Variants in DCLK1 observed in about 807,000 individuals in gnomAD.
DCLK1 encodes doublecortin like kinase 1, also known as serine/threonine-protein kinase DCLK1.
A neutral mutation model predicts 86.2 loss-of-function variants in DCLK1; 16 were observed. That is an observed-to-expected ratio of 0.19 (90% CI 0.13 to 0.28). The LOEUF is 0.28. DCLK1 is among the 10% of genes least tolerant of loss of function. The pLI is 1.00. For synonymous variants in DCLK1, 369 were observed against 370.5 expected, an observed-to-expected ratio of 1.00 and a Z score of 0.05; for missense variants, 590 against 940.2, an observed-to-expected ratio of 0.63 and a Z score of 4.87.
At chr13:35,913,797 A>C (rs1033033526) in intron 4 of DCLK1, among the ~76,000 whole-genome samples, 10 of 152,208 alleles carry the variant, frequency 6.6e-5, no homozygotes, top group African/African-American at 2.4e-4. Flanking sequence ...GCTTCTAGAC[A>C]AAACAGAAGT....
intron 1 of DCLK1, among the ~76,000 whole-genome samples, chr13:36,129,501 C>G (rs1886295231): frequency 6.6e-6 from 1 of 152,174 alleles, no homozygotes; most frequent in Non-Finnish European, 1.5e-5. Flanking sequence ...GCTACAGCTA[C>G]CTCTAAATGG....
intron 3 of DCLK1, among the ~76,000 whole-genome samples, chr13:36,043,562 T>C (rs1432929455): frequency 6.6e-6 from 1 of 152,108 alleles, no homozygotes; most frequent in Non-Finnish European, 1.5e-5. Flanking sequence ...AGTACACTAA[T>C]GATAAAAGAT....
intron 3 of DCLK1, among the ~76,000 whole-genome samples, chr13:35,951,570 T>C (rs1217047427): frequency 1.3e-5 from 2 of 151,616 alleles, no homozygotes; most frequent in Non-Finnish European, 2.9e-5. Context: ...CCTCTACCCA[T>C]TGATCAATAC....
intron 3 of DCLK1, among the ~76,000 whole-genome samples, chr13:35,984,591 A>G (rs1173743064): frequency 6.6e-6 from 1 of 152,154 alleles, no homozygotes; most frequent in Admixed American, 6.5e-5. Flanking sequence ...GCTAAAGTCT[A>G]TTTCTCTACT....
intron 4 of DCLK1, among the ~76,000 whole-genome samples, chr13:35,875,731 C>T (rs1872551572): frequency 6.6e-6 from 1 of 152,198 alleles, no homozygotes; most frequent in South Asian, 2.1e-4. Flanking sequence ...CTCCCATACT[C>T]CATTGGATAC....
intron 3 of DCLK1, among the ~76,000 whole-genome samples, chr13:36,096,658 T>C (rs1172675576): frequency 6.6e-6 from 1 of 152,144 alleles, no homozygotes; most frequent in East Asian, 1.9e-4. Flanking sequence ...ACAAAGCACA[T>C]GGAAGCCATA....
chr13:36,035,642 G>T (rs113174888), intron 3 of DCLK1, among the ~76,000 whole-genome samples: 34 of 152,266 alleles, frequency 2.2e-4, no homozygotes, highest in African/African-American at 7.9e-4. Context: ...GGGCTCAAGT[G>T]ATCCACCTCC....
intron 3 of DCLK1, among the ~76,000 whole-genome samples, chr13:36,089,461 T>C (rs540353055): frequency 6.6e-6 from 1 of 152,306 alleles, no homozygotes; most frequent in Admixed American, 6.5e-5. Flanking sequence ...TTCTTTCCTG[T>C]GCAGCACTCA....
At chr13:35,936,899 G>C (rs1321574719) in intron 4 of DCLK1, among the ~76,000 whole-genome samples, 1 of 149,984 alleles carries the variant, frequency 6.7e-6, no homozygotes, top group East Asian at 2.0e-4. Flanking sequence ...TAATAAAGAA[G>C]AGCAGAATGT....
intron 4 of DCLK1, among the ~76,000 whole-genome samples, chr13:35,908,738 C>T (rs561273487): frequency 1.2e-4 from 19 of 152,208 alleles, no homozygotes; most frequent in African/African-American, 4.1e-4. Context: ...TGGGTTCAAG[C>T]GATTCTCCTG....
At chr13:35,948,799 A>T (rs1303461891) in intron 3 of DCLK1, among the ~76,000 whole-genome samples, 1 of 152,126 alleles carries the variant, frequency 6.6e-6, no homozygotes, top group Admixed American at 6.5e-5. Context: ...AACACAGGGG[A>T]TTTAAGAGGG....
At chr13:35,975,122 T>TCTTA (rs1879270256) in intron 3 of DCLK1, among the ~76,000 whole-genome samples, 1 of 152,056 alleles carries the variant, frequency 6.6e-6, no homozygotes, top group Non-Finnish European at 1.5e-5. Flanking sequence ...CTAGGTCAGG[T>TCTTA]CTTACACCAA....
intron 8 of DCLK1, among the ~76,000 whole-genome samples, chr13:35,831,337 T>C (rs1868942928): frequency 6.6e-6 from 1 of 152,172 alleles, no homozygotes; most frequent in African/African-American, 2.4e-5. Flanking sequence ...CACAGGTTTA[T>C]AGGAAAGTAG....
intron 15 of DCLK1, among the ~76,000 whole-genome samples, chr13:35,805,025 T>C (rs1700914726): frequency 6.6e-6 from 1 of 152,178 alleles, no homozygotes; most frequent in African/African-American, 2.4e-5. Flanking sequence ...GTCGAAACCC[T>C]TAGGTCACTT....
chr13:35,909,079 C>G (rs1307978919), intron 4 of DCLK1, among the ~76,000 whole-genome samples: 1 of 152,218 alleles, frequency 6.6e-6, no homozygotes, highest in Non-Finnish European at 1.5e-5. Flanking sequence ...CTAATTAGAT[C>G]TGAGCACGCT....
chr13:35,846,753 A>G (rs1870204928), intron 6 of DCLK1: 2 of 985,240 alleles, frequency 2.0e-6, no homozygotes, highest in African/African-American at 1.7e-5. Flanking sequence ...TAGCAAGGTT[A>G]ATGCAAATAT....
chr13:36,113,353 C>A (rs531711492), intron 2 of DCLK1, among the ~76,000 whole-genome samples: 1 of 152,282 alleles, frequency 6.6e-6, no homozygotes, highest in South Asian at 2.1e-4. Flanking sequence ...TTAAAATATT[C>A]TCTAATGTGT....
At chr13:36,039,635 T>TAC (rs140224659) in intron 3 of DCLK1, among the ~76,000 whole-genome samples, 50 of 151,026 alleles carry the variant, frequency 3.3e-4, no homozygotes, top group Middle Eastern at 3.4e-3. Context: ...TGCACACATG[T>TAC]ACACACACAC....
intron 4 of DCLK1, 133 bp downstream of exon 4, chr13:35,947,225 T>C (rs1877433812): frequency 1.8e-6 from 1 of 553,244 alleles, no homozygotes; most frequent in African/African-American, 1.9e-5. Context: ...ATCCAAGATA[T>C]GGAAAAGACA....
Sources: gnomAD v4.1 joint callset for allele counts (sites outside exome capture counted in the v4.1 genomes callset) on GRCh38, gnomAD v4.1.1 for gene constraint, MANE v1.5 for transcripts, NCBI Gene and HGNC (gene_info 2026-07-23, HGNC 2026-07-21) for gene names.